The following CACNG5 variants were observed in gnomAD, a reference collection of about 807,000 sequenced individuals.
The protein encoded by CACNG5 is calcium voltage-gated channel auxiliary subunit gamma 5.
Under a neutral mutation model 24.8 loss-of-function variants are expected in CACNG5, and 18 were observed. The observed-to-expected ratio is 0.73, with a 90% CI of 0.50 to 1.08. The LOEUF is 1.08. Ranked by LOEUF, CACNG5 falls within the 50% of genes least tolerant of loss-of-function variation. CACNG5 has a pLI of 0.00. For synonymous variants in CACNG5, 157 were observed against 149.1 expected, an observed-to-expected ratio of 1.05 and a Z score of -0.39; for missense variants, 349 against 367.9, an observed-to-expected ratio of 0.95 and a Z score of 0.42.
chr17:66,873,337 G>C (rs1977035917), intron 1 of CACNG5, among the ~76,000 whole-genome samples: 1 of 152,100 alleles, frequency 6.6e-6, no homozygotes, highest in Admixed American at 6.5e-5. Context: ...ACATACTCTG[G>C]AAATAGATGA....
At chr17:66,866,256 A>C (rs1568068175) in intron 1 of CACNG5, among the ~76,000 whole-genome samples, 1 of 152,076 alleles carries the variant, frequency 6.6e-6, no homozygotes, top group Admixed American at 6.5e-5. Flanking sequence ...CCCACTATGG[A>C]TGGTATGTGC....
At chr17:66,847,460 A>G (rs978716770) in intron 1 of CACNG5, among the ~76,000 whole-genome samples, 6 of 152,194 alleles carry the variant, frequency 3.9e-5, no homozygotes, top group African/African-American at 1.4e-4. Flanking sequence ...GCAGCAGGCA[A>G]GAGAGTGTGT....
intron 1 of CACNG5, among the ~76,000 whole-genome samples, chr17:66,869,589 A>G (rs942532148): frequency 6.6e-6 from 1 of 152,086 alleles, no homozygotes; most frequent in Admixed American, 6.6e-5. Flanking sequence ...AGATTTGCCT[A>G]CTTCCGTGTG....
Position 66,892,442 on chromosome 17 carries a change from C to T in CACNG5, c.*7202C>T, listed in dbSNP as rs1026287960. ...GGGATGCAAGCAGGGATGATAAATC[C>T]TTAGAAATGATCTCATAGTCTCGGG... is the stretch of plus-strand genomic sequence containing the variant. On this transcript the variant is annotated 3_prime_UTR_variant, in exon 6 of 6. Transcript: ENST00000533854. 6.6e-6 allele frequency among the ~76,000 whole-genome samples: 1 copy of T among 152,206 alleles called. No individual in the cohort carries two copies. The highest frequency in any genetic ancestry group is 6.5e-5 in the Admixed American group (1 of 15,284).
chr17:66,879,051 T>C lies in CACNG5; in HGVS notation c.276T>C (p.Asn92=). 2 of 1,613,822 alleles carry C rather than the reference T, an allele frequency of 1.2e-6. No homozygotes were observed. The highest frequency in any genetic ancestry group is 1.7e-6 in the Non-Finnish European group (2 of 1,179,784). The change falls in exon 3 of 6, where the codon AAT becomes AAC. Residue 92 remains asparagine, a synonymous_variant. Coordinates refer to ENST00000533854, the MANE Select transcript of CACNG5 (RefSeq NM_145811.3). ...NTQLTSESTV[N]VLKMIRSATP... is the part of the protein sequence containing the mutation. Reference sequence around the variant, plus strand: ...AGCTGACATCCGAGTCCACGGTCAATGTTCTAAGTAAGTGCCTTGAGTCTG... The same window carrying C: ...AGCTGACATCCGAGTCCACGGTCAACGTTCTAAGTAAGTGCCTTGAGTCTG...
intron 5 of CACNG5, 40 bp downstream of exon 5, chr17:66,884,701 G>C (rs754175463): frequency 6.2e-7 from 1 of 1,614,174 alleles, no homozygotes; most frequent in Non-Finnish European, 8.5e-7. Flanking sequence ...GCTGGGCCTG[G>C]GCACTGCCCC....
At position 66,890,401 on chromosome 17, in the gene CACNG5, G is replaced by A. The variant is rs748177578; in HGVS notation, c.*5161G>A. Reference sequence around the variant, plus strand: ...TAGGAACTGGGCAGGTGCCCCTCTAGCATCCACGTCTCCCAGGACAGGTGC... The same window carrying A: ...TAGGAACTGGGCAGGTGCCCCTCTAACATCCACGTCTCCCAGGACAGGTGC... On this transcript the variant is annotated 3_prime_UTR_variant, in exon 6 of 6. Coordinates refer to ENST00000533854, the MANE Select transcript of CACNG5 (RefSeq NM_145811.3). 6.6e-6 allele frequency among the ~76,000 whole-genome samples: 1 copy of A among 152,200 alleles called. No individual in the cohort carries two copies. Among genetic ancestry groups the A allele is most frequent in the East Asian group, 1.9e-4 (1 of 5,196 alleles).
chr17:66,865,263 TTTATG>T (rs1479586279), intron 1 of CACNG5, among the ~76,000 whole-genome samples: 2 of 134,560 alleles, frequency 1.5e-5, no homozygotes, highest in African/African-American at 5.0e-5. Flanking sequence ...TTGTACTATT[TTTATG>T]TTTTTTTTTT....
rs188293843 is a variant in CACNG5 at position 66,856,145 on chromosome 17, G to A, written c.-104+20895G>A. The stretch of plus-strand genomic sequence containing the variant: ...TCAACAACAGTGAATCAACATTTTT[G>A]TGTATTTTGTACTTGTGTTTATATT... On this transcript the variant is annotated intron_variant, in intron 1 of 5. Transcript: ENST00000533854. 3.6e-3 allele frequency among the ~76,000 whole-genome samples: 542 copies of A among 152,242 alleles called. 1 individual carries two copies. Among genetic ancestry groups the A allele is most frequent in the Middle Eastern group, 6.8e-3 (2 of 294 alleles).
intron 1 of CACNG5, among the ~76,000 whole-genome samples, chr17:66,862,892 C>CTCTCTCTCTCTGTGTG (rs567913804): frequency 1.1e-4 from 16 of 142,172 alleles, no homozygotes; most frequent in African/African-American, 4.0e-4. Flanking sequence ...AGCATATTCT[C>CTCTCTCTCTCTGTGTG]TGTGTGTGTG....
intron 1 of CACNG5, among the ~76,000 whole-genome samples, chr17:66,868,968 G>A (rs1231054735): frequency 2.0e-5 from 3 of 152,174 alleles, no homozygotes; most frequent in African/African-American, 4.8e-5. Context: ...TTGGAGAGCT[G>A]GACAAAGAAG....
In CACNG5 at chr17:66,892,037, G is replaced by A. The variant is rs988324389; in HGVS notation, c.*6797G>A. On this transcript the variant is annotated 3_prime_UTR_variant, in exon 6 of 6. Transcript: ENST00000533854. ...GAGAACCACTGGCTTAGACCTACTG[G>A]GATTTATCACTGTAGCTGGGGATAA... is the stretch of plus-strand genomic sequence containing the variant. Among the ~76,000 whole-genome samples the A allele has an allele frequency of 2.0e-5, 3 of 152,208 alleles. No homozygotes were observed. Among genetic ancestry groups the A allele is most frequent in the African/African-American group, 7.2e-5 (3 of 41,456 alleles).
rs919474582 is a variant in CACNG5, at chr17:66,889,690, G to A, written c.*4450G>A. On this transcript the variant is annotated 3_prime_UTR_variant, in exon 6 of 6. Coordinates refer to ENST00000533854, the MANE Select transcript of CACNG5 (RefSeq NM_145811.3). ...CTTGCAGTCTCCTGGCAGAAATCCT[G>A]GCTGCTCAGGGGAGGTCAGCCTTTG... Among the ~76,000 whole-genome samples the A allele has an allele frequency of 6.6e-6, 1 of 152,186 alleles. No individual in the cohort carries two copies. Among genetic ancestry groups the A allele is most frequent in the Non-Finnish European group, 1.5e-5 (1 of 68,044 alleles).
chr17:66,879,579 G>A lies in CACNG5; in HGVS notation c.283+521G>A, dbSNP rs115373319. ...ATTGCAAAAATGACTCACAGAACTC[G>A]GGCAAGTGCTATACTTACCATTCCA... On this transcript the variant is annotated intron_variant, in intron 3 of 5. Coordinates refer to ENST00000533854, the MANE Select transcript of CACNG5 (RefSeq NM_145811.3). Among the ~76,000 whole-genome samples the A allele has an allele frequency of 8.7e-4, 132 of 152,142 alleles. 2 individuals carry two copies. Among genetic ancestry groups the A allele is most frequent in the African/African-American group, 3.1e-3 (129 of 41,486 alleles).
chr17:66,846,976 A>G (rs1976645132), intron 1 of CACNG5, among the ~76,000 whole-genome samples: 1 of 152,276 alleles, frequency 6.6e-6, no homozygotes, highest in South Asian at 2.1e-4. Context: ...CATGTTTTAC[A>G]GATACACACG....
intron 1 of CACNG5, among the ~76,000 whole-genome samples, chr17:66,837,497 G>A (rs1350484598): frequency 6.6e-6 from 1 of 152,204 alleles, no homozygotes; most frequent in Non-Finnish European, 1.5e-5. Context: ...CTTCTTCTGA[G>A]TTTTGGGCCA....
intron 1 of CACNG5, among the ~76,000 whole-genome samples, chr17:66,844,115 T>C (rs1207388371): frequency 6.6e-6 from 1 of 152,060 alleles, no homozygotes; most frequent in Non-Finnish European, 1.5e-5. Flanking sequence ...GATGATAGAG[T>C]AATGCTAGGA....
chr17:66,860,977 A>G (rs1339999299), intron 1 of CACNG5, among the ~76,000 whole-genome samples: 2 of 152,206 alleles, frequency 1.3e-5, no homozygotes, highest in Non-Finnish European at 2.9e-5. Context: ...TGGGTAAAAA[A>G]GTAATCATAT....
intron 1 of CACNG5, among the ~76,000 whole-genome samples, chr17:66,846,050 G>C (rs1181797141): frequency 6.6e-6 from 1 of 152,148 alleles, no homozygotes; most frequent in Non-Finnish European, 1.5e-5. Context: ...GGTGTTTACT[G>C]AGCCGTTACT....
Sources: gnomAD v4.1 joint callset for allele counts (sites outside exome capture counted in the v4.1 genomes callset) on GRCh38, gnomAD v4.1.1 for gene constraint, MANE v1.5 for transcripts, NCBI Gene and HGNC (gene_info 2026-07-23, HGNC 2026-07-21) for gene names.